The following IQCK variants were observed in gnomAD, a reference collection of about 807,000 sequenced individuals.
IQCK encodes the protein IQ domain-containing protein K.
Under a neutral mutation model 28.1 loss-of-function variants are expected in IQCK, and 29 were observed. That is an observed-to-expected ratio of 1.03 (90% CI 0.77 to 1.41). The LOEUF (loss-of-function observed/expected upper bound fraction) is 1.41. IQCK is among the 40% of genes most tolerant of loss of function. The pLI is 0.00. For missense variants in IQCK, 359 were observed against 314.7 expected (o/e 1.14, Z -1.07); for synonymous variants, 113 against 115.1 (o/e 0.98, Z 0.12).
At chr16:19,775,743 G>A (rs1054883798) in intron 6 of IQCK, among the ~76,000 whole-genome samples, 7 of 151,952 alleles carry the variant, frequency 4.6e-5, no homozygotes, top group Non-Finnish European at 8.8e-5. Context: ...CAGTCTAGAA[G>A]GTTCTTAACT....
At chr16:19,756,662 G>A (rs558187212) in intron 4 of IQCK, among the ~76,000 whole-genome samples, 1 of 152,100 alleles carries the variant, frequency 6.6e-6, no homozygotes, top group South Asian at 2.1e-4. Context: ...CGAGGCCAGC[G>A]GATCATGAGG....
At chr16:19,726,720 C>T (rs573117086) in intron 1 of IQCK, among the ~76,000 whole-genome samples, 35 of 152,282 alleles carry the variant, frequency 2.3e-4, no homozygotes, top group African/African-American at 8.2e-4. Flanking sequence ...AAGTAACTTA[C>T]GATATGGTTG....
chr16:19,841,056 G>A (rs1468175239), intron 9 of IQCK, among the ~76,000 whole-genome samples: 1 of 152,156 alleles, frequency 6.6e-6, no homozygotes, highest in East Asian at 1.9e-4. Flanking sequence ...AACAGCTAAA[G>A]CGTCTTGCCA....
chr16:19,840,117 A>T (rs190342507), intron 9 of IQCK, among the ~76,000 whole-genome samples: 2 of 152,286 alleles, frequency 1.3e-5, no homozygotes, highest in East Asian at 3.9e-4. Flanking sequence ...GGACTTTGGG[A>T]GGCCAAGGCT....
chr16:19,774,656 G>A (rs552134134), intron 6 of IQCK, among the ~76,000 whole-genome samples: 3 of 152,124 alleles, frequency 2.0e-5, no homozygotes, highest in South Asian at 4.1e-4. Context: ...GAGCCACTGC[G>A]CCCAGCCAGC....
chr16:19,779,676 C>T (rs1310694775), intron 6 of IQCK, among the ~76,000 whole-genome samples: 1 of 151,592 alleles, frequency 6.6e-6, no homozygotes. Context: ...TTTTTTAAAT[C>T]ACAAGTATTT....
At chr16:19,730,883 G>A (rs548279617) in intron 2 of IQCK, among the ~76,000 whole-genome samples, 42 of 151,966 alleles carry the variant, frequency 2.8e-4, no homozygotes, top group Non-Finnish European at 5.0e-4. Context: ...ACAGGCACCC[G>A]CCACCGTGCT....
chr16:19,764,462 A>G, intron 6 of IQCK: 1 of 172,316 alleles, frequency 5.8e-6, no homozygotes, highest in Admixed American at 5.8e-5. Flanking sequence ...AAATACTAAA[A>G]AAGCTTAAAT....
chr16:19,854,599 G>T (rs1232622073), intron 9 of IQCK, among the ~76,000 whole-genome samples: 2 of 152,260 alleles, frequency 1.3e-5, no homozygotes, highest in East Asian at 3.8e-4. Context: ...AGTTATGCCT[G>T]ATGCTGGCTG....
intron 4 of IQCK, among the ~76,000 whole-genome samples, chr16:19,763,525 C>A (rs1312352451): frequency 6.6e-6 from 1 of 152,100 alleles, no homozygotes; most frequent in Non-Finnish European, 1.5e-5. Flanking sequence ...TCACTGCAAC[C>A]TCCACCTCCC....
Position 19,759,437 on chromosome 16 carries a change from G to A in IQCK, c.475-4411G>A, listed in dbSNP as rs375262503. The stretch of plus-strand genomic sequence containing the variant: ...TTGGCCAGGCTGGTCTCAAACTCCT[G>A]ACCTCAGGTGATCCGCCTGCCTCGG... On this transcript the variant is annotated intron_variant, in intron 4 of 7. Coordinates refer to ENST00000564186, the Ensembl canonical transcript of IQCK. Among the ~76,000 whole-genome samples the A allele has an allele frequency of 5.3e-5, 8 of 152,052 alleles. No individual in the cohort carries two copies. The South Asian group carries it at 6.2e-4, about 12-fold the overall frequency.
chr16:19,778,030 G>A (rs183592266), intron 6 of IQCK, among the ~76,000 whole-genome samples: 191 of 152,150 alleles, frequency 1.3e-3, no homozygotes, highest in African/African-American at 4.4e-3. Flanking sequence ...TCCAGCCCGG[G>A]TGACAGTGCA....
chr16:19,740,134 A>G (rs1597508083), intron 4 of IQCK, among the ~76,000 whole-genome samples: 2 of 152,146 alleles, frequency 1.3e-5, no homozygotes, highest in South Asian at 4.1e-4. Context: ...TTTTTCATTC[A>G]TAGCTATTTT....
intron 6 of IQCK, among the ~76,000 whole-genome samples, chr16:19,769,612 G>A (rs909129064): frequency 3.3e-5 from 5 of 152,188 alleles, no homozygotes; most frequent in Admixed American, 1.3e-4. Flanking sequence ...TGGAAGCTAC[G>A]GCTAGAAGGC....
chr16:19,779,998 C>T (rs569230807), intron 6 of IQCK, among the ~76,000 whole-genome samples: 3 of 149,314 alleles, frequency 2.0e-5, no homozygotes, highest in South Asian at 4.3e-4. Flanking sequence ...ACCTTACAGG[C>T]GTGAGCCACC....
chr16:19,718,992 C>T (rs1977374833), intron 1 of IQCK, among the ~76,000 whole-genome samples: 2 of 152,236 alleles, frequency 1.3e-5, no homozygotes, highest in Admixed American at 1.3e-4. Flanking sequence ...TTAGTCCCTT[C>T]TTGCTTCAAA....
intron 9 of IQCK, among the ~76,000 whole-genome samples, chr16:19,837,991 T>C (rs2056318258): frequency 6.6e-6 from 1 of 152,234 alleles, no homozygotes; most frequent in Non-Finnish European, 1.5e-5. Flanking sequence ...ACCAGCTACA[T>C]GGACCTTGTT....
intron 9 of IQCK, among the ~76,000 whole-genome samples, chr16:19,843,876 G>A (rs2056387260): frequency 6.6e-6 from 1 of 152,114 alleles, no homozygotes; most frequent in Non-Finnish European, 1.5e-5. Context: ...GTTAGATGGT[G>A]GGAGTTAAGG....
intron 9 of IQCK, among the ~76,000 whole-genome samples, chr16:19,836,354 C>G (rs1237951446): frequency 2.6e-5 from 4 of 152,176 alleles, no homozygotes; most frequent in African/African-American, 9.7e-5. Flanking sequence ...GTTTGGATGA[C>G]ATCAACTTTT....
Sources: allele counts gnomAD v4.1 joint callset (sites outside exome capture counted in the v4.1 genomes callset), GRCh38; gene constraint gnomAD v4.1.1; transcripts MANE v1.5; gene names NCBI Gene and HGNC (gene_info 2026-07-23, HGNC 2026-07-21).